SNX29: variants seen among roughly 807,000 people sequenced by gnomAD.
SNX29 encodes sorting nexin-29.
Under a neutral mutation model 102.1 loss-of-function variants are expected in SNX29, and 78 were observed. The ratio of observed to expected loss-of-function variants is 0.76; its 90% confidence interval spans 0.64 to 0.92. The LOEUF (loss-of-function observed/expected upper bound fraction) is 0.92. Among genes scored for constraint, SNX29 ranks in the 40% least tolerant of loss-of-function variants. SNX29 has a pLI of 0.00. For missense variants in SNX29, 1,280 were observed against 1,061.7 expected, an observed-to-expected ratio of 1.21 and a Z score of -2.86; for synonymous variants, 580 against 414.5, an observed-to-expected ratio of 1.40 and a Z score of -4.85.
At chr16:12,541,060 C>T (rs566176689) in intron 20 of SNX29, among the ~76,000 whole-genome samples, 1 of 152,144 alleles carries the variant, frequency 6.6e-6, no homozygotes, top group African/African-American at 2.4e-5. Flanking sequence ...TATTTAGTTT[C>T]CTGAGTTATT....
intron 16 of SNX29, among the ~76,000 whole-genome samples, chr16:12,389,743 G>C (rs1235200494): frequency 6.6e-6 from 1 of 152,170 alleles, no homozygotes; most frequent in Non-Finnish European, 1.5e-5. Flanking sequence ...AGAACACAGG[G>C]AGGGCTCTGG....
chr16:12,157,303 AG>A (rs757292553), intron 13 of SNX29, among the ~76,000 whole-genome samples: 1 of 152,062 alleles, frequency 6.6e-6, no homozygotes, highest in East Asian at 1.9e-4. Context: ...GAAGGTCCTG[AG>A]GGCAGCACAG....
intron 20 of SNX29, among the ~76,000 whole-genome samples, chr16:12,554,694 T>TG (rs975544426): frequency 4.9e-4 from 74 of 152,340 alleles, no homozygotes; most frequent in African/African-American, 1.8e-3. Context: ...TCAGCATCCC[T>TG]GCCCATGCCT....
intron 14 of SNX29, among the ~76,000 whole-genome samples, chr16:12,272,598 G>T (rs1371172183): frequency 1.3e-5 from 2 of 152,206 alleles, no homozygotes; most frequent in African/African-American, 2.4e-5. Context: ...TGATTACATA[G>T]TTTACATATC....
chr16:12,283,010 G>A (rs1279528189), intron 15 of SNX29, among the ~76,000 whole-genome samples: 1 of 152,186 alleles, frequency 6.6e-6, no homozygotes, highest in Non-Finnish European at 1.5e-5. Context: ...GGATTAGATA[G>A]CTAATAAGAG....
intron 20 of SNX29, among the ~76,000 whole-genome samples, chr16:12,543,111 G>T (rs2077417734): frequency 6.6e-6 from 1 of 152,196 alleles, no homozygotes; most frequent in South Asian, 2.1e-4. Flanking sequence ...GATCCTGGCA[G>T]CTGCGTATCT....
intron 16 of SNX29, among the ~76,000 whole-genome samples, chr16:12,374,083 T>C (rs2082784664): frequency 6.6e-6 from 1 of 152,208 alleles, no homozygotes; most frequent in African/African-American, 2.4e-5. Flanking sequence ...TTGGCCCTGC[T>C]CCTCCAGGTC....
intron 16 of SNX29, among the ~76,000 whole-genome samples, chr16:12,358,049 C>A (rs2151317525): frequency 6.6e-6 from 1 of 152,308 alleles, no homozygotes; most frequent in Non-Finnish European, 1.5e-5. Flanking sequence ...ATATTAACAG[C>A]CATCTCTTAT....
chr16:12,296,652 C>G (rs2079991255), intron 15 of SNX29, among the ~76,000 whole-genome samples: 1 of 128,126 alleles, frequency 7.8e-6, no homozygotes, highest in Admixed American at 8.0e-5. Context: ...GTGCCAATCC[C>G]TAATGCAGGT....
chr16:12,099,935 T>C (rs868513834), intron 11 of SNX29, among the ~76,000 whole-genome samples: 1 of 152,280 alleles, frequency 6.6e-6, no homozygotes, highest in Middle Eastern at 3.4e-3. Context: ...ACTTGATCAG[T>C]GTGCAGGCAC....
intron 16 of SNX29, among the ~76,000 whole-genome samples, chr16:12,395,677 C>A (rs1487954414): frequency 1.3e-5 from 2 of 152,082 alleles, no homozygotes; most frequent in Non-Finnish European, 2.9e-5. Flanking sequence ...AATCTGCATC[C>A]CAGGGATGTG....
At chr16:12,548,052 T>C (rs1331360716) in intron 20 of SNX29, among the ~76,000 whole-genome samples, 5 of 152,142 alleles carry the variant, frequency 3.3e-5, no homozygotes, top group Non-Finnish European at 7.4e-5. Context: ...GCACCACCCC[T>C]GGCACACACA....
At chr16:12,235,129 A>C (rs1422907610) in intron 14 of SNX29, among the ~76,000 whole-genome samples, 1 of 151,304 alleles carries the variant, frequency 6.6e-6, no homozygotes, top group Non-Finnish European at 1.5e-5. Context: ...TTTTTCTTCT[A>C]AGCTGTTGAC....
At chr16:12,348,256 G>C (rs763795969) in intron 15 of SNX29, among the ~76,000 whole-genome samples, 1 of 152,238 alleles carries the variant, frequency 6.6e-6, no homozygotes, top group Non-Finnish European at 1.5e-5. Context: ...CTTCATGCTG[G>C]GATTTTCGTT....
At chr16:12,400,279 C>T (rs2083888753) in intron 17 of SNX29, among the ~76,000 whole-genome samples, 1 of 152,234 alleles carries the variant, frequency 6.6e-6, no homozygotes, top group Non-Finnish European at 1.5e-5. Flanking sequence ...GCCATCCTGG[C>T]AGTTCCGCTC....
chr16:12,526,561 C>A (rs892365995), intron 20 of SNX29: 1 of 528,152 alleles, frequency 1.9e-6, no homozygotes, highest in Admixed American at 2.2e-5. Flanking sequence ...GACTGGATCT[C>A]ACTGTTTGGA....
intron 1 of SNX29, among the ~76,000 whole-genome samples, chr16:11,984,447 C>T (rs2055523797): frequency 6.6e-6 from 1 of 151,696 alleles, no homozygotes; most frequent in South Asian, 2.1e-4. Flanking sequence ...AACTTTGCAT[C>T]TTGCTTTCAC....
chr16:12,201,551 C>T (rs1332137060), intron 14 of SNX29, among the ~76,000 whole-genome samples: 1 of 152,204 alleles, frequency 6.6e-6, no homozygotes, highest in Non-Finnish European at 1.5e-5. Flanking sequence ...TTTCTCCAAA[C>T]CTCTGGTTCT....
chr16:12,028,790 C>G (rs868688863), intron 4 of SNX29, among the ~76,000 whole-genome samples: 7 of 152,112 alleles, frequency 4.6e-5, no homozygotes, highest in Middle Eastern at 6.8e-3. Flanking sequence ...CTCTTGTCGC[C>G]CAGGCTGGAG....
Sources: allele counts gnomAD v4.1 joint callset (sites outside exome capture counted in the v4.1 genomes callset), GRCh38; gene constraint gnomAD v4.1.1; transcripts MANE v1.5; gene names NCBI Gene and HGNC (gene_info 2026-07-23, HGNC 2026-07-21).